The following TRIM55 variants were observed in gnomAD, a reference collection of about 807,000 sequenced individuals.
The protein encoded by TRIM55 is tripartite motif containing 55, also known as tripartite motif-containing protein 55.
TRIM55 carries 50 observed loss-of-function variants against 60.9 expected under a neutral mutation model. That is an observed-to-expected ratio of 0.82 (90% CI 0.65 to 1.04). TRIM55 has a LOEUF of 1.04. Ranked by LOEUF, TRIM55 falls within the 50% of genes least tolerant of loss-of-function variation. The pLI, the probability that TRIM55 is intolerant of heterozygous loss-of-function variation, is 0.00. For missense variants in TRIM55, 681 were observed against 666.9 expected, an observed-to-expected ratio of 1.02 and a Z score of -0.23; for synonymous variants, 237 against 238.1, an observed-to-expected ratio of 1.00 and a Z score of 0.04.
intron 9 of TRIM55, among the ~76,000 whole-genome samples, chr8:66,167,360 C>A (rs7350113): frequency 2.0e-5 from 3 of 152,114 alleles, no homozygotes; most frequent in Non-Finnish European, 4.4e-5. Context: ...CTTCACAATC[C>A]AGTTCTTTTT....
At chr8:66,160,162 A>G (rs1810966514) in intron 9 of TRIM55, among the ~76,000 whole-genome samples, 1 of 152,032 alleles carries the variant, frequency 6.6e-6, no homozygotes, top group African/African-American at 2.4e-5. Context: ...TCTTTCTCCC[A>G]AGTCTCCAAA....
intron 9 of TRIM55, among the ~76,000 whole-genome samples, chr8:66,166,796 T>A (rs1206709964): frequency 6.6e-6 from 1 of 152,106 alleles, no homozygotes; most frequent in South Asian, 2.1e-4. Flanking sequence ...CTCCACCAAG[T>A]GGGGCATGCA....
chr8:66,160,867 T>G (rs772591480), intron 9 of TRIM55, among the ~76,000 whole-genome samples: 2 of 120,748 alleles, frequency 1.7e-5, no homozygotes, highest in African/African-American at 4.0e-5. Flanking sequence ...GATGGGATTG[T>G]TTTTTTTTTT....
At chr8:66,153,983 T>G in intron 8 of TRIM55, 64 bp from the exon 9 acceptor site, 1 of 1,500,644 alleles carries the variant, frequency 6.7e-7, no homozygotes, top group Non-Finnish European at 8.9e-7. Flanking sequence ...TAAAATCAAC[T>G]GCTTTTTCTT....
At position 66,174,642 on chromosome 8, in the gene TRIM55, G is replaced by A; in HGVS notation, c.*49G>A. 1 of 1,513,122 alleles carries A rather than the reference G, an allele frequency of 6.6e-7. No individual in the cohort carries two copies. Among genetic ancestry groups the A allele is most frequent in the Non-Finnish European group, 8.8e-7 (1 of 1,133,762 alleles). 93.7% of individuals were successfully genotyped at this position (1,513,122 alleles called of 1,614,324 possible). Reference sequence around the variant, plus strand: ...CTGTCTGCCTGGCTGAGATGCATGTGGGCAGCAGGAAGCCCAAGTGAAATT... The same window carrying A: ...CTGTCTGCCTGGCTGAGATGCATGTAGGCAGCAGGAAGCCCAAGTGAAATT... On this transcript the variant is annotated 3_prime_UTR_variant, in exon 10 of 10. Coordinates refer to ENST00000315962, the MANE Select transcript of TRIM55 (RefSeq NM_184085.2).
At chr8:66,132,984 C>T (rs1809254152) in intron 2 of TRIM55, among the ~76,000 whole-genome samples, 1 of 152,180 alleles carries the variant, frequency 6.6e-6, no homozygotes, top group South Asian at 2.1e-4. Context: ...AATCTCTGGT[C>T]ACAGCTGTTG....
intron 9 of TRIM55, among the ~76,000 whole-genome samples, chr8:66,159,540 CTT>C (rs943640260): frequency 2.6e-5 from 4 of 152,198 alleles, no homozygotes; most frequent in African/African-American, 9.6e-5. Flanking sequence ...TTTCATCTCT[CTT>C]GAGTAAATGA....
upstream of TRIM55, among the ~76,000 whole-genome samples, chr8:66,123,088 G>T (rs1285119727): frequency 1.3e-5 from 2 of 152,128 alleles, no homozygotes; most frequent in Non-Finnish European, 2.9e-5. Context: ...TTCTGCACAA[G>T]GGCATTGGTC....
At chr8:66,149,981 T>C (rs527896257) in intron 5 of TRIM55, 103 bp downstream of exon 5, 10 of 1,053,152 alleles carry the variant, frequency 9.5e-6, no homozygotes, top group South Asian at 8.0e-5. Context: ...TTTTATTTAT[T>C]TTACCAACTA....
the TRIM55 span, among the ~76,000 whole-genome samples, chr8:66,114,248 G>C: frequency 5.3e-5 from 8 of 152,276 alleles, no homozygotes; most frequent in South Asian, 2.1e-4. Context: ...CGGGATCGAT[G>C]CCCGCATCCT....
upstream of TRIM55, among the ~76,000 whole-genome samples, chr8:66,126,360 T>C (rs1234997596): frequency 6.6e-6 from 1 of 152,164 alleles, no homozygotes; most frequent in Non-Finnish European, 1.5e-5. Flanking sequence ...CAAATTTTCT[T>C]TGTGTTTTTG....
intron 4 of TRIM55, among the ~76,000 whole-genome samples, chr8:66,142,995 T>G (rs1462761403): frequency 6.6e-6 from 1 of 150,600 alleles, no homozygotes; most frequent in Non-Finnish European, 1.5e-5. Context: ...TGCTTTTCTT[T>G]TCTTTTTTGG....
At position 66,161,565 on chromosome 8, in the gene TRIM55, T is replaced by C. The variant is rs184619535; in HGVS notation, c.1524+7231T>C. ...TTCTTTTTTCTAGTTCTATGAAGAA[T>C]GATGGTGTATTTTGATGGGAATTGC... On this transcript the variant is annotated intron_variant, in intron 9 of 9. Coordinates refer to ENST00000315962, the MANE Select transcript of TRIM55 (RefSeq NM_184085.2). Among the ~76,000 whole-genome samples the C allele has an allele frequency of 2.0e-5, 3 of 152,222 alleles. No homozygotes were observed. The East Asian group carries it at 5.8e-4, about 29-fold the overall frequency.
intron 7 of TRIM55, among the ~76,000 whole-genome samples, chr8:66,152,025 C>A (rs1226248313): frequency 6.6e-6 from 1 of 152,020 alleles, no homozygotes; most frequent in East Asian, 1.9e-4. Flanking sequence ...TTTAATCTGA[C>A]AGAGATAAAT....
upstream of TRIM55, chr8:66,127,084 G>C (rs1015846912): frequency 1.9e-6 from 1 of 536,966 alleles, no homozygotes; most frequent in Admixed American, 3.4e-5. Flanking sequence ...CCACCGTCAC[G>C]TGACCGCAGG....
At chr8:66,163,365 T>A (rs755388677) in intron 9 of TRIM55, among the ~76,000 whole-genome samples, 2 of 152,224 alleles carry the variant, frequency 1.3e-5, no homozygotes, top group Non-Finnish European at 2.9e-5. Flanking sequence ...AAGCTCTGAT[T>A]ATTGACATGA....
At chr8:66,117,869 A>G in the TRIM55 span, among the ~76,000 whole-genome samples, 1 of 152,258 alleles carries the variant, frequency 6.6e-6, no homozygotes. Flanking sequence ...CTTATTGCCA[A>G]GAAGTGTTCA....
chr8:66,149,022 G>A (rs575337600), intron 4 of TRIM55, among the ~76,000 whole-genome samples: 21 of 152,274 alleles, frequency 1.4e-4, no homozygotes, highest in East Asian at 7.7e-4. Flanking sequence ...GTACTCTAGC[G>A]TGGGCAACAG....
In TRIM55 at chr8:66,155,683, A is replaced by G. The variant is rs1366438766; in HGVS notation, c.1524+1349A>G. ...TATTCTTCACTACATCTGGAGTCAG[A>G]TTCAGTGCTTGATTTTTACTTTAAT... On this transcript the variant is annotated intron_variant, in intron 9 of 9. Transcript: ENST00000315962. 4.3e-6 allele frequency: 7 copies of G among 1,612,580 alleles called. No homozygotes were observed. In the African/African-American group the frequency reaches 8.0e-5, roughly 18 times the overall value.
Sources: gnomAD v4.1 joint callset for allele counts (sites outside exome capture counted in the v4.1 genomes callset) on GRCh38, gnomAD v4.1.1 for gene constraint, MANE v1.5 for transcripts, NCBI Gene and HGNC (gene_info 2026-07-23, HGNC 2026-07-21) for gene names.